The following CCNY variants were observed in gnomAD, a reference collection of about 807,000 sequenced individuals.
CCNY encodes cyclin Y.
CCNY carries 19 observed loss-of-function variants against 42.8 expected under a neutral mutation model. The ratio of observed to expected loss-of-function variants is 0.44; its 90% CI spans 0.31 to 0.65. CCNY has a LOEUF of 0.65. Among genes scored for constraint, CCNY ranks in the 30% least tolerant of loss-of-function variants. The probability of loss-of-function intolerance (pLI) is 0.07; values close to 1 mark genes in which losing one functional copy is unlikely to be tolerated. For synonymous variants in CCNY, 165 were observed against 162.7 expected (o/e 1.01, Z -0.11); for missense variants, 370 against 437.3 (o/e 0.85, Z 1.37).
chr10:35,338,773 G>A (rs533778012), intron 1 of CCNY, among the ~76,000 whole-genome samples: 3 of 152,222 alleles, frequency 2.0e-5, no homozygotes, highest in Admixed American at 6.5e-5. Context: ...AGTATCTAGC[G>A]GAGGCTTTGT....
At chr10:35,316,108 ATGCATTAGGATAT>A (rs1409295057) in intron 3 of CCNY, among the ~76,000 whole-genome samples, 2 of 152,156 alleles carry the variant, frequency 1.3e-5, no homozygotes, top group East Asian at 3.8e-4. Context: ...ATTTTTAATG[ATGCATTAGGATAT>A]TCCATTGTGT....
chr10:35,335,622 A>C (rs1232874861), upstream of CCNY, among the ~76,000 whole-genome samples: 1 of 152,084 alleles, frequency 6.6e-6, no homozygotes, highest in Non-Finnish European at 1.5e-5. Flanking sequence ...AGGAGTCCAG[A>C]CGGGAGGATT....
chr10:35,551,334 T>G (rs1468277607), intron 7 of CCNY, among the ~76,000 whole-genome samples: 2 of 152,248 alleles, frequency 1.3e-5, no homozygotes, highest in African/African-American at 4.8e-5. Context: ...CCATTCCATT[T>G]GGGAGTGTTG....
At chr10:35,494,680 A>G (rs897951813) in intron 2 of CCNY, among the ~76,000 whole-genome samples, 2 of 152,246 alleles carry the variant, frequency 1.3e-5, no homozygotes, top group Non-Finnish European at 2.9e-5. Flanking sequence ...GCCTTTATGT[A>G]TTAAAGAATT....
chr10:35,529,253 A>G (rs756572444), intron 5 of CCNY, among the ~76,000 whole-genome samples: 3 of 152,196 alleles, frequency 2.0e-5, no homozygotes, highest in Admixed American at 2.0e-4. Flanking sequence ...TGTTGTGAAT[A>G]ATCAGACTGA....
At chr10:35,380,957 C>T (rs1273757024) in intron 1 of CCNY, among the ~76,000 whole-genome samples, 3 of 152,276 alleles carry the variant, frequency 2.0e-5, no homozygotes, top group African/African-American at 4.8e-5. Flanking sequence ...GGGCTTGAAG[C>T]GTCCGAGTAC....
chr10:35,566,166 A>G lies in CCNY; in HGVS notation c.890A>G (p.Glu297Gly). The change falls in exon 9 of 10, where the codon GAG (glutamate) becomes GGG (glycine). Residue 297 changes from glutamate (E) to glycine (G), a missense_variant. This residue lies in a region of CCNY where 234 missense variants were observed against 313.1 expected (regional missense o/e 0.75). Transcript: ENST00000374704. ...LSFPLEPLSR[E>G]RAHKLEAISR... ...TTTCCCTTGGAGCCCCTGAGCAGGGAGAGGGCTCACAAGCTTGAGGTAAGA... is the reference window on the plus strand; with the variant it reads ...TTTCCCTTGGAGCCCCTGAGCAGGGGGAGGGCTCACAAGCTTGAGGTAAGA... 1 of 1,613,978 alleles carries G rather than the reference A, an allele frequency of 6.2e-7. No homozygotes were observed. The highest frequency in any genetic ancestry group is 8.5e-7 in the Non-Finnish European group (1 of 1,179,954).
At chr10:35,534,809 G>A (rs1386400414) in intron 7 of CCNY, among the ~76,000 whole-genome samples, 1 of 151,782 alleles carries the variant, frequency 6.6e-6, no homozygotes, top group Non-Finnish European at 1.5e-5. Context: ...TGCCTATTCT[G>A]AACATTTCAT....
intron 2 of CCNY, among the ~76,000 whole-genome samples, chr10:35,492,047 T>G (rs1297604263): frequency 6.6e-6 from 1 of 152,054 alleles, no homozygotes. Context: ...CTGCCTGGAC[T>G]CTCGTTTCCT....
At chr10:35,478,237 C>A (rs1372533671) in intron 1 of CCNY, among the ~76,000 whole-genome samples, 2 of 146,396 alleles carry the variant, frequency 1.4e-5, no homozygotes, top group African/African-American at 5.1e-5. Context: ...AGATTCAATG[C>A]CATCCCCATC....
chr10:35,373,126 C>G (rs1233102627), intron 1 of CCNY, among the ~76,000 whole-genome samples: 1 of 152,204 alleles, frequency 6.6e-6, no homozygotes, highest in East Asian at 1.9e-4. Flanking sequence ...TATCAGAAGA[C>G]AAGCCTGAGT....
At chr10:35,276,705 G>T (rs1835242379) in intron 3 of CCNY, among the ~76,000 whole-genome samples, 1 of 152,202 alleles carries the variant, frequency 6.6e-6, no homozygotes, top group South Asian at 2.1e-4. Context: ...GTTGTGAACA[G>T]TATCCCCTTT....
chr10:35,335,376 T>C (rs931957871), upstream of CCNY, among the ~76,000 whole-genome samples: 7 of 152,180 alleles, frequency 4.6e-5, no homozygotes, highest in Non-Finnish European at 1.0e-4. Context: ...TGTGTTAACT[T>C]AGTTTTCTAT....
intron 3 of CCNY, among the ~76,000 whole-genome samples, chr10:35,307,754 G>A (rs1564364193): frequency 3.2e-5 from 4 of 123,482 alleles, no homozygotes; most frequent in African/African-American, 1.4e-4. Context: ...ATATTGATGT[G>A]TATATATGTG....
At chr10:35,502,238 A>G (rs1840125558) in intron 3 of CCNY, among the ~76,000 whole-genome samples, 1 of 152,192 alleles carries the variant, frequency 6.6e-6, no homozygotes, top group African/African-American at 2.4e-5. Context: ...CTTCTTAGAA[A>G]TATGGCCCTT....
intron 1 of CCNY, among the ~76,000 whole-genome samples, chr10:35,341,614 C>T (rs1836185122): frequency 6.6e-6 from 1 of 152,066 alleles, no homozygotes; most frequent in South Asian, 2.1e-4. Flanking sequence ...GTGAAACCAA[C>T]CATTGAAGGA....
chr10:35,455,306 A>G (rs1839004349), intron 1 of CCNY: 1 of 152,248 alleles, frequency 6.6e-6, no homozygotes, highest in African/African-American at 2.4e-5. Context: ...TTGGCAGATT[A>G]CAGTAGGAAA....
intron 4 of CCNY, among the ~76,000 whole-genome samples, chr10:35,523,947 G>T (rs1840598766): frequency 6.6e-6 from 1 of 152,194 alleles, no homozygotes; most frequent in African/African-American, 2.4e-5. Flanking sequence ...CACAGGGGAA[G>T]CAGGAACATC....
rs1162761829 is a variant in CCNY at position 35,475,901 on chromosome 10, G to A, written c.155-7503G>A. 2.0e-3 allele frequency among the ~76,000 whole-genome samples: 307 copies of A among 151,572 alleles called. 4 individuals carry two copies. The highest frequency in any genetic ancestry group is 0.012 in the South Asian group (59 of 4,810). ...GCTGTATTCAGGAAACCCATCTCACGTGCAGAGACACACATAGGCTCAAAA... is the reference window on the plus strand; with the variant it reads ...GCTGTATTCAGGAAACCCATCTCACATGCAGAGACACACATAGGCTCAAAA... On this transcript the variant is annotated intron_variant, in intron 1 of 9. Coordinates refer to ENST00000374704, the MANE Select transcript of CCNY (RefSeq NM_145012.6).
Sources: allele counts gnomAD v4.1 joint callset (sites outside exome capture counted in the v4.1 genomes callset), GRCh38; gene constraint gnomAD v4.1.1; regional missense constraint gnomAD v4.1.1; transcripts MANE v1.5; gene names NCBI Gene and HGNC (gene_info 2026-07-23, HGNC 2026-07-21).